The following USP47 variants were observed in gnomAD, a reference collection of about 807,000 sequenced individuals.
USP47 encodes ubiquitin specific peptidase 47.
USP47 carries 35 observed loss-of-function variants against 165.1 expected under a neutral mutation model. The observed-to-expected ratio is 0.21, with a 90% CI of 0.16 to 0.28. The LOEUF (loss-of-function observed/expected upper bound fraction) is 0.28, where lower values mean the gene tolerates loss of function less well. Ranked by LOEUF, USP47 falls within the 10% of genes least tolerant of loss-of-function variation. The pLI is 1.00. For missense variants in USP47, 1,277 were observed against 1,607.4 expected, an observed-to-expected ratio of 0.79 and a Z score of 3.52; for synonymous variants, 531 against 544.5, an observed-to-expected ratio of 0.98 and a Z score of 0.35.
intron 1 of USP47, among the ~76,000 whole-genome samples, chr11:11,857,238 T>C (rs1330592861): frequency 6.6e-6 from 1 of 152,150 alleles, no homozygotes; most frequent in East Asian, 1.9e-4. Flanking sequence ...TCCTTCATTT[T>C]ATAGTGTCTG....
At chr11:11,846,627 A>G (rs752750974) in intron 1 of USP47, among the ~76,000 whole-genome samples, 3 of 152,144 alleles carry the variant, frequency 2.0e-5, no homozygotes, top group Non-Finnish European at 4.4e-5. Context: ...GCATTTATTT[A>G]TATACCAGAT....
At chr11:11,904,136 A>G (rs555377568) in intron 7 of USP47, among the ~76,000 whole-genome samples, 1 of 152,282 alleles carries the variant, frequency 6.6e-6, no homozygotes, top group East Asian at 1.9e-4. Context: ...GTATTATTTT[A>G]TAAAGCTCTT....
At chr11:11,913,502 C>G (rs1000706746) in intron 8 of USP47, among the ~76,000 whole-genome samples, 1 of 151,520 alleles carries the variant, frequency 6.6e-6, no homozygotes, top group African/African-American at 2.4e-5. Flanking sequence ...GTTAAATAAG[C>G]TAGGACCAGA....
chr11:11,884,818 G>A, intron 3 of USP47: 1 of 351,766 alleles, frequency 2.8e-6, no homozygotes, highest in Non-Finnish European at 5.2e-6. Context: ...ATATACTGCT[G>A]TCTTCAAGAC....
chr11:11,843,800 A>G (rs1848279518), intron 1 of USP47, among the ~76,000 whole-genome samples: 2 of 152,246 alleles, frequency 1.3e-5, no homozygotes, highest in South Asian at 4.1e-4. Context: ...TGTTGTGTAA[A>G]AAGTGATAAC....
intron 12 of USP47, 41 bp downstream of exon 12, chr11:11,929,606 G>A: frequency 6.2e-7 from 1 of 1,600,188 alleles, no homozygotes; most frequent in South Asian, 1.1e-5. Context: ...TGAAAGGTGG[G>A]AGTAAGGATG....
At chr11:11,886,818 A>G (rs1025721353) in intron 3 of USP47, among the ~76,000 whole-genome samples, 1 of 152,160 alleles carries the variant, frequency 6.6e-6, no homozygotes, top group Non-Finnish European at 1.5e-5. Context: ...AAAATGAAAT[A>G]AAAAATGTTA....
intron 8 of USP47, among the ~76,000 whole-genome samples, chr11:11,911,159 A>G (rs1679784853): frequency 6.6e-6 from 1 of 152,176 alleles, no homozygotes; most frequent in Admixed American, 6.5e-5. Context: ...AGATAGAATG[A>G]TAGATATTAC....
At chr11:11,943,295 A>G in intron 20 of USP47, 183 bp downstream of exon 20, 1 of 501,768 alleles carries the variant, frequency 2.0e-6, no homozygotes. Context: ...ATTAGATGGT[A>G]ATTATATCAG....
chr11:11,934,661 A>G (rs920654217), intron 16 of USP47, among the ~76,000 whole-genome samples: 24 of 152,150 alleles, frequency 1.6e-4, no homozygotes, highest in Non-Finnish European at 3.5e-4. Context: ...GAGTGAGCAC[A>G]GAGTACCATA....
chr11:11,947,847 T>A (rs1459308543), intron 20 of USP47, 98 bp from the exon 21 acceptor site: 1 of 1,277,776 alleles, frequency 7.8e-7, no homozygotes, highest in Non-Finnish European at 1.1e-6. Flanking sequence ...TACTCTTTAC[T>A]GCATACAGTG....
At chr11:11,842,279 C>T in intron 1 of USP47, 55 bp downstream of exon 1, 1 of 1,531,610 alleles carries the variant, frequency 6.5e-7, no homozygotes, top group East Asian at 2.5e-5. Flanking sequence ...CGAGGCAACA[C>T]AGGCCCGGGC....
At chr11:11,857,357 T>C (rs1480729193) in intron 1 of USP47, among the ~76,000 whole-genome samples, 1 of 152,154 alleles carries the variant, frequency 6.6e-6, no homozygotes, top group Non-Finnish European at 1.5e-5. Flanking sequence ...ACAAGAGAAT[T>C]GGTGAAAAAT....
chr11:11,901,229 C>T (rs940069142), intron 5 of USP47, among the ~76,000 whole-genome samples: 6 of 151,970 alleles, frequency 3.9e-5, no homozygotes, highest in African/African-American at 1.2e-4. Context: ...TAATAGAAAG[C>T]CATTCCCAAA....
At position 11,955,885 on chromosome 11, in the gene USP47, A is replaced by C. The variant is rs80268256; in HGVS notation, c.3894-116A>C. ...ACATCTCAGTATATAAAATAATATTACTTCACCAGTAACAGATTTCATTAT... is the reference window on the plus strand; with the variant it reads ...ACATCTCAGTATATAAAATAATATTCCTTCACCAGTAACAGATTTCATTAT... On this transcript the variant is annotated intron_variant, in intron 27 of 27. Transcript: ENST00000527733. The C allele has an allele frequency of 9.1e-3, 7,409 of 813,326 alleles. 393 individuals are homozygous for C. In the African/African-American group the frequency reaches 0.12, roughly 13 times the overall value. The allele number at this position is 813,326 out of a possible 1,614,324, so 50.4% of individuals were successfully genotyped here.
chr11:11,879,816 A>T (rs985081260), intron 1 of USP47, among the ~76,000 whole-genome samples: 2 of 152,100 alleles, frequency 1.3e-5, no homozygotes, highest in African/African-American at 4.8e-5. Context: ...CATGGTAATG[A>T]CACATTTTTT....
At position 11,961,075 on chromosome 11, in the gene USP47, T is replaced by A. The variant is rs778046930; in HGVS notation, c.*4900T>A. ...GCTTTATCAATAATAATATCGGTGG[T>A]TTACTTAAGGTGTCCAGAGATGGTG... On this transcript the variant is annotated 3_prime_UTR_variant, in exon 28 of 28. Transcript: ENST00000527733. 6.6e-6 allele frequency among the ~76,000 whole-genome samples: 1 copy of A among 152,132 alleles called. No individual in the cohort carries two copies. The highest frequency in any genetic ancestry group is 2.1e-4 in the South Asian group (1 of 4,828).
intron 7 of USP47, 27 bp downstream of exon 7, chr11:11,903,369 G>T (rs1852350404): frequency 1.3e-6 from 2 of 1,587,694 alleles, no homozygotes; most frequent in African/African-American, 1.3e-5. Context: ...AAATCAAGGG[G>T]ACTGTTTCCT....
chr11:11,898,621 G>T (rs1851996706), intron 5 of USP47, among the ~76,000 whole-genome samples: 1 of 152,164 alleles, frequency 6.6e-6, no homozygotes, highest in Non-Finnish European at 1.5e-5. Context: ...CTTTGTTCTT[G>T]AGTAATTTAT....
Sources: allele counts gnomAD v4.1 joint callset (sites outside exome capture counted in the v4.1 genomes callset), GRCh38; gene constraint gnomAD v4.1.1; transcripts MANE v1.5; gene names NCBI Gene and HGNC (gene_info 2026-07-23, HGNC 2026-07-21).